The following ART1 variants were observed in gnomAD, a reference collection of about 807,000 sequenced individuals.
ART1 encodes ADP-ribosyltransferase 1.
ART1 carries 29 observed loss-of-function variants against 27.0 expected under a neutral mutation model. The ratio of observed to expected loss-of-function variants is 1.08; its 90% CI spans 0.80 to 1.47. The LOEUF (loss-of-function observed/expected upper bound fraction) is 1.47. Ranked by LOEUF, ART1 falls within the 40% of genes most tolerant of loss-of-function variation. ART1 has a pLI of 0.00. For synonymous variants in ART1, 201 were observed against 172.2 expected (o/e 1.17, Z -1.31); for missense variants, 480 against 423.0 (o/e 1.13, Z -1.18).
Position 3,664,120 on chromosome 11 carries a change from C to T in ART1, c.915C>T (p.Val305=). ...SAMGQSPLSA[V]WSLLLLLWFL... ...TGGGTCAGAGCCCCCTCTCTGCAGT[C>T]TGGTCTTTGCTGCTGCTGCTCTGGT... The change falls in exon 5 of 5, where the codon GTC becomes GTT. Residue 305 remains valine, a synonymous_variant. Transcript: ENST00000250693. 1 of 1,614,034 alleles carries T rather than the reference C, an allele frequency of 6.2e-7. No individual in the cohort carries two copies. Among genetic ancestry groups the T allele is most frequent in the Middle Eastern group, 1.6e-4 (1 of 6,062 alleles).
In ART1 at chr11:3,660,373, C is replaced by T. The variant is rs1464315654; in HGVS notation, c.844+10C>T. On this transcript the variant is annotated intron_variant, in intron 3 of 4. Coordinates refer to ENST00000250693, the MANE Select transcript of ART1 (RefSeq NM_004314.3). ...TGCGAGTACATCAAAGGTAGGAGGGCAAGCGCTGGTCGGCACCTGTGCGGA... is the reference window on the plus strand; with the variant it reads ...TGCGAGTACATCAAAGGTAGGAGGGTAAGCGCTGGTCGGCACCTGTGCGGA... The T allele has an allele frequency of 1.9e-6, 3 of 1,592,606 alleles. No homozygotes were observed. The Admixed American group carries it at 5.0e-5, about 27-fold the overall frequency.
chr11:3,663,136 C>CAT (rs1241882654), intron 4 of ART1, among the ~76,000 whole-genome samples: 1 of 148,828 alleles, frequency 6.7e-6, no homozygotes, highest in Non-Finnish European at 1.5e-5. Flanking sequence ...CATCTCATCT[C>CAT]ATCTCATCAT....
Position 3,659,115 on chromosome 11 carries a change from C to A in ART1, c.-52-47C>A. On this transcript the variant is annotated intron_variant, in intron 1 of 4. Coordinates refer to ENST00000250693, the MANE Select transcript of ART1 (RefSeq NM_004314.3). The stretch of plus-strand genomic sequence containing the variant: ...ACTAGGAATGGCACAGACTAAGTGT[C>A]GATTCATGTTTATTAAACTATACAG... The A allele has an allele frequency of 3.5e-6, 4 of 1,136,798 alleles. No homozygotes were observed. The South Asian group carries it at 4.0e-5, about 12-fold the overall frequency. The allele number at this position is 1,136,798 out of a possible 1,614,324, so 70.4% of individuals were successfully genotyped here.
chr11:3,661,745 A>G (rs2077622912), intron 4 of ART1, among the ~76,000 whole-genome samples: 1 of 151,816 alleles, frequency 6.6e-6, no homozygotes, highest in East Asian at 1.9e-4. Flanking sequence ...TGATCCATCC[A>G]CCTCGGCCTC....
chr11:3,655,349 C>G (rs2077564730), intron 1 of ART1, among the ~76,000 whole-genome samples: 2 of 152,126 alleles, frequency 1.3e-5, no homozygotes, highest in African/African-American at 4.8e-5. Flanking sequence ...GAAAAGCAGC[C>G]AATTAAAAGC....
At chr11:3,647,302 A>G (rs1489567666) in intron 1 of ART1, among the ~76,000 whole-genome samples, 1 of 150,900 alleles carries the variant, frequency 6.6e-6, no homozygotes, top group Non-Finnish European at 1.5e-5. Context: ...AGCCTGGGCA[A>G]CGAGCAAAAC....
intron 4 of ART1, among the ~76,000 whole-genome samples, chr11:3,662,674 G>A (rs541234642): frequency 2.6e-5 from 4 of 152,126 alleles, no homozygotes; most frequent in African/African-American, 4.8e-5. Context: ...GAGAAACCCC[G>A]TCTCTACTAA....
intron 1 of ART1, among the ~76,000 whole-genome samples, chr11:3,657,066 C>G (rs2077581179): frequency 6.6e-6 from 1 of 152,176 alleles, no homozygotes; most frequent in Admixed American, 6.5e-5. Flanking sequence ...CTTAGAGTCA[C>G]TGAACTATCC....
chr11:3,654,907 G>C (rs561261682), intron 1 of ART1, among the ~76,000 whole-genome samples: 11 of 151,892 alleles, frequency 7.2e-5, no homozygotes, highest in South Asian at 2.1e-4. Context: ...CTTGTTTATT[G>C]TAGAGCAGAT....
In ART1 at chr11:3,655,995, C is replaced by A. The variant is rs898731419; in HGVS notation, c.-52-3167C>A. 3.6e-5 allele frequency among the ~76,000 whole-genome samples: 5 copies of A among 138,436 alleles called. No homozygotes were observed. The East Asian group carries it at 8.4e-4, about 23-fold the overall frequency. The allele number at this position is 138,436 out of a possible 152,430, so 90.8% of individuals were successfully genotyped here. A position where few individuals can be genotyped will look rare whatever the true frequency, so the allele number is the denominator to read the frequency against. Reference sequence around the variant, plus strand: ...TCGCCCAGGCTAGAGAGCAATGGTGCGATCTCGGGTCACTGCAACCTCCAC... The same window carrying A: ...TCGCCCAGGCTAGAGAGCAATGGTGAGATCTCGGGTCACTGCAACCTCCAC... On this transcript the variant is annotated intron_variant, in intron 1 of 4. Coordinates refer to ENST00000250693, the MANE Select transcript of ART1 (RefSeq NM_004314.3).
chr11:3,650,738 A>C (rs2077514828), intron 1 of ART1, among the ~76,000 whole-genome samples: 1 of 151,668 alleles, frequency 6.6e-6, no homozygotes, highest in African/African-American at 2.4e-5. Flanking sequence ...TTCCCTGACT[A>C]TTCCTGGGCT....
intron 1 of ART1, among the ~76,000 whole-genome samples, chr11:3,657,459 C>T (rs184723057): frequency 1.8e-4 from 27 of 152,240 alleles, no homozygotes; most frequent in Non-Finnish European, 3.5e-4. Context: ...CCTGTACTCC[C>T]AGCTACTCGG....
chr11:3,651,906 G>A (rs951767747), intron 1 of ART1, among the ~76,000 whole-genome samples: 17 of 150,336 alleles, frequency 1.1e-4, no homozygotes, highest in Admixed American at 2.7e-4. Flanking sequence ...CCCTGATCAC[G>A]CTTGATTTAT....
rs368235378 is a variant in ART1, at chr11:3,659,268, G to A, written c.55G>A (p.Ala19Thr). 1 of 1,614,064 alleles carries A rather than the reference G, an allele frequency of 6.2e-7. No homozygotes were observed. The highest frequency in any genetic ancestry group is 8.5e-7 in the Non-Finnish European group (1 of 1,180,048). ...LLLVSVGLME[A>T]LQAQSHPITR... ...TCTTGTGTCTGTGGGCCTCATGGAAGCACTTCAGGTATGGGCATCCCCCAC... is the reference window on the plus strand; with the variant it reads ...TCTTGTGTCTGTGGGCCTCATGGAAACACTTCAGGTATGGGCATCCCCCAC... Residue 19 changes from alanine to threonine, a missense_variant, in exon 2 of 5, where the codon GCA becomes ACA. Transcript: ENST00000250693.
At chr11:3,662,263 C>A (rs1250852869) in intron 4 of ART1, among the ~76,000 whole-genome samples, 1 of 152,194 alleles carries the variant, frequency 6.6e-6, no homozygotes, top group East Asian at 1.9e-4. Context: ...GCAAATTGGA[C>A]CAGATGATCC....
rs537772852 is a variant in ART1 at position 3,656,115 on chromosome 11, G to C, written c.-52-3047G>C. Among the ~76,000 whole-genome samples the C allele has an allele frequency of 8.5e-5, 13 of 152,052 alleles. No individual in the cohort carries two copies. The South Asian group carries it at 2.7e-3, about 32-fold the overall frequency. On this transcript the variant is annotated intron_variant, in intron 1 of 4. Transcript: ENST00000250693. ...GCCCAGCTAATTTTTTGTAATTTTA[G>C]TAGAGATGGGGTTTCACCATGTTGG...
In ART1 at chr11:3,659,664, C is replaced by A; in HGVS notation, c.145C>A (p.Gln49Lys). The A allele has an allele frequency of 1.2e-6, 2 of 1,613,916 alleles. No individual in the cohort carries two copies. The highest frequency in any genetic ancestry group is 1.3e-5 in the African/African-American group (1 of 75,052). ...LDMALASFDD[Q>K]YAGCAAAMTA... ...CATGGCCCTGGCCTCCTTTGATGAC[C>A]AGTACGCTGGCTGTGCTGCTGCCAT... Residue 49 changes from glutamine to lysine, a missense_variant, in exon 3 of 5, where the codon CAG becomes AAG. Coordinates refer to ENST00000250693, the MANE Select transcript of ART1 (RefSeq NM_004314.3).
intron 1 of ART1, among the ~76,000 whole-genome samples, chr11:3,647,527 G>A (rs7106273): frequency 0.053 from 8,073 of 151,618 alleles, 732 homozygotes; most frequent in African/African-American, 0.18. Flanking sequence ...CCAGCTACTT[G>A]GGAAGTTGAG....
chr11:3,646,154 G>T (rs1310018655), intron 1 of ART1, among the ~76,000 whole-genome samples: 5 of 151,990 alleles, frequency 3.3e-5, no homozygotes, highest in Non-Finnish European at 7.4e-5. Flanking sequence ...CTTCCAGTCA[G>T]TTTTGGCACA....
Sources: gnomAD v4.1 joint callset for allele counts (sites outside exome capture counted in the v4.1 genomes callset) on GRCh38, gnomAD v4.1.1 for gene constraint, MANE v1.5 for transcripts, NCBI Gene and HGNC (gene_info 2026-07-23, HGNC 2026-07-21) for gene names.